FARS2: variants seen among roughly 807,000 people sequenced by gnomAD.
The protein encoded by FARS2 is phenylalanyl-tRNA synthetase 2, mitochondrial, also known as phenylalanine--tRNA ligase, mitochondrial.
Under a neutral mutation model 46.4 loss-of-function variants are expected in FARS2, and 40 were observed. That is an observed-to-expected ratio of 0.86 (90% CI 0.67 to 1.12). The LOEUF is 1.12. FARS2 is among the 50% of genes most tolerant of loss of function. FARS2 has a pLI of 0.00. For synonymous variants in FARS2, 234 were observed against 214.9 expected, an observed-to-expected ratio of 1.09 and a Z score of -0.78; for missense variants, 513 against 567.9, an observed-to-expected ratio of 0.90 and a Z score of 0.98.
At chr6:5,289,092 T>C (rs1459739831) in intron 1 of FARS2, among the ~76,000 whole-genome samples, 1 of 152,244 alleles carries the variant, frequency 6.6e-6, no homozygotes, top group Non-Finnish European at 1.5e-5. Context: ...ATAACTGAAA[T>C]ATTTTTTAAA....
At chr6:5,274,537 A>G (rs1766194585) in intron 1 of FARS2, among the ~76,000 whole-genome samples, 1 of 152,238 alleles carries the variant, frequency 6.6e-6, no homozygotes, top group Non-Finnish European at 1.5e-5. Flanking sequence ...GAAGCTCAGC[A>G]GACACACATG....
At chr6:5,510,830 A>C (rs1189793572) in intron 4 of FARS2, among the ~76,000 whole-genome samples, 1 of 151,316 alleles carries the variant, frequency 6.6e-6, no homozygotes, top group Non-Finnish European at 1.5e-5. Context: ...GAAGTTAATG[A>C]GCCAATGAGA....
intron 4 of FARS2, among the ~76,000 whole-genome samples, chr6:5,504,816 A>T (rs1396865956): frequency 6.6e-6 from 1 of 152,144 alleles, no homozygotes; most frequent in Admixed American, 6.6e-5. Flanking sequence ...GCCTTAATGT[A>T]TGTGGACTTT....
rs149425086 is a variant in FARS2, at chr6:5,747,401, G to A, written c.1218-23890G>A. On this transcript the variant is annotated intron_variant, in intron 6 of 6. Transcript: ENST00000274680. ...TGCAAAAATGTAAACAAGAGATGGTGGTGGTTGGATAGCAGTGATGAGGTG... is the reference window on the plus strand; with the variant it reads ...TGCAAAAATGTAAACAAGAGATGGTAGTGGTTGGATAGCAGTGATGAGGTG... Among the ~76,000 whole-genome samples the A allele has an allele frequency of 4.7e-4, 71 of 152,352 alleles. 1 individual carries two copies. The East Asian group carries it at 8.3e-3, about 18-fold the overall frequency.
chr6:5,332,576 G>A (rs1339825464), intron 1 of FARS2, among the ~76,000 whole-genome samples: 6 of 152,206 alleles, frequency 3.9e-5, no homozygotes, highest in African/African-American at 1.4e-4. Flanking sequence ...AAGTAGCTGA[G>A]TTACTCCGAT....
At chr6:5,623,931 G>C (rs1466749826) in intron 6 of FARS2, among the ~76,000 whole-genome samples, 1 of 152,132 alleles carries the variant, frequency 6.6e-6, no homozygotes. Flanking sequence ...AGATAGCCTA[G>C]CGCTGAAAAG....
At chr6:5,378,947 C>T (rs1759572276) in intron 2 of FARS2, among the ~76,000 whole-genome samples, 1 of 152,128 alleles carries the variant, frequency 6.6e-6, no homozygotes, top group African/African-American at 2.4e-5. Context: ...GGAGAGAGAC[C>T]CCTTTTTCTG....
chr6:5,387,614 G>A (rs1349790636), intron 2 of FARS2, among the ~76,000 whole-genome samples: 1 of 152,222 alleles, frequency 6.6e-6, no homozygotes, highest in Non-Finnish European at 1.5e-5. Context: ...TCTTGACTCG[G>A]CATGTGCTTA....
At chr6:5,647,471 T>A (rs949682822) in intron 6 of FARS2, among the ~76,000 whole-genome samples, 1 of 152,252 alleles carries the variant, frequency 6.6e-6, no homozygotes, top group African/African-American at 2.4e-5. Context: ...TGTTCACTTT[T>A]ACCAGCCTGG....
At chr6:5,582,107 C>T (rs111643694) in intron 5 of FARS2, among the ~76,000 whole-genome samples, 1 of 132,946 alleles carries the variant, frequency 7.5e-6, no homozygotes, top group African/African-American at 2.9e-5. Flanking sequence ...TGATGCGCTT[C>T]TATAAATGGT....
chr6:5,399,913 A>G (rs1761152607), intron 2 of FARS2, among the ~76,000 whole-genome samples: 1 of 152,174 alleles, frequency 6.6e-6, no homozygotes, highest in Non-Finnish European at 1.5e-5. Flanking sequence ...TGCAGTTACA[A>G]ACAATACTAC....
chr6:5,625,898 G>A (rs1404837876), intron 6 of FARS2, among the ~76,000 whole-genome samples: 1 of 152,192 alleles, frequency 6.6e-6, no homozygotes, highest in Non-Finnish European at 1.5e-5. Flanking sequence ...CAGATGCGCA[G>A]GTGGTGGGGA....
At chr6:5,263,403 ATTATT>A (rs1042548108) in intron 1 of FARS2, among the ~76,000 whole-genome samples, 7 of 152,202 alleles carry the variant, frequency 4.6e-5, no homozygotes, top group African/African-American at 1.7e-4. Flanking sequence ...AAAATACCTT[ATTATT>A]TTATTTAAAA....
intron 4 of FARS2, among the ~76,000 whole-genome samples, chr6:5,493,552 A>G (rs12213351): frequency 0.12 from 18,116 of 152,124 alleles, 1,469 homozygotes; most frequent in Non-Finnish European, 0.17. Context: ...CCTTATGTCT[A>G]CCCCGGACCA....
intron 4 of FARS2, among the ~76,000 whole-genome samples, chr6:5,433,848 G>A (rs527926439): frequency 1.3e-5 from 2 of 152,252 alleles, no homozygotes; most frequent in South Asian, 2.1e-4. Context: ...TTCCTTGCAC[G>A]GTTTCCAATA....
intron 6 of FARS2, among the ~76,000 whole-genome samples, chr6:5,696,128 C>T (rs377262047): frequency 1.4e-4 from 21 of 152,194 alleles, no homozygotes; most frequent in East Asian, 3.8e-4. Context: ...ACATGCAAAT[C>T]GGTACAACTC....
chr6:5,708,455 C>T (rs945286144), intron 6 of FARS2, among the ~76,000 whole-genome samples: 1 of 152,158 alleles, frequency 6.6e-6, no homozygotes, highest in African/African-American at 2.4e-5. Context: ...TGGGAGTCCA[C>T]AGCTATGGCC....
chr6:5,538,500 A>G (rs1770360533), intron 4 of FARS2, among the ~76,000 whole-genome samples: 1 of 152,186 alleles, frequency 6.6e-6, no homozygotes, highest in Non-Finnish European at 1.5e-5. Context: ...GGCCAAAGTA[A>G]AAAGTGAATT....
chr6:5,348,611 T>C (rs1757387618), intron 1 of FARS2, among the ~76,000 whole-genome samples: 2 of 139,436 alleles, frequency 1.4e-5, no homozygotes, highest in Non-Finnish European at 3.1e-5. Flanking sequence ...ATTAAACAAA[T>C]AAACACAAAT....
Sources: allele counts gnomAD v4.1 joint callset (sites outside exome capture counted in the v4.1 genomes callset), GRCh38; gene constraint gnomAD v4.1.1; transcripts MANE v1.5; gene names NCBI Gene and HGNC (gene_info 2026-07-23, HGNC 2026-07-21).